SULF1: variants seen among roughly 807,000 people sequenced by gnomAD.
The protein encoded by SULF1 is sulfatase 1, also known as extracellular sulfatase Sulf-1.
Under a neutral mutation model 110.5 loss-of-function variants are expected in SULF1, and 46 were observed. The ratio of observed to expected loss-of-function variants is 0.42; its 90% CI spans 0.33 to 0.53. The LOEUF (loss-of-function observed/expected upper bound fraction) is 0.53. Among genes scored for constraint, SULF1 ranks in the 20% least tolerant of loss-of-function variants. SULF1 has a pLI of 0.12. For missense variants in SULF1, 941 were observed against 1,094.2 expected, an observed-to-expected ratio of 0.86 and a Z score of 1.98; for synonymous variants, 371 against 387.1, an observed-to-expected ratio of 0.96 and a Z score of 0.49.
At chr8:69,547,187 G>A (rs537052248) in intron 3 of SULF1, among the ~76,000 whole-genome samples, 2 of 149,856 alleles carry the variant, frequency 1.3e-5, no homozygotes, top group East Asian at 1.9e-4. Context: ...GGAGGAGGTG[G>A]GGTGGGGTGG....
intron 3 of SULF1, among the ~76,000 whole-genome samples, chr8:69,550,202 C>T (rs1264029518): frequency 6.6e-6 from 1 of 151,794 alleles, no homozygotes; most frequent in Non-Finnish European, 1.5e-5. Flanking sequence ...GGTGTGGTGT[C>T]ATCCCCATTC....
At chr8:69,593,452 A>T (rs2304786) in intron 8 of SULF1, among the ~76,000 whole-genome samples, 116,091 of 152,140 alleles carry the variant, frequency 0.76, 44,685 homozygotes, top group South Asian at 0.85. Context: ...CCTTTCGGTC[A>T]TCTTCCTTGG....
At chr8:69,607,062 A>T (rs1808270385) in intron 13 of SULF1, among the ~76,000 whole-genome samples, 1 of 152,228 alleles carries the variant, frequency 6.6e-6, no homozygotes, top group Admixed American at 6.5e-5. Flanking sequence ...TGTTACTCTA[A>T]TCCCGAACCA....
intron 22 of SULF1, chr8:69,642,438 A>G: frequency 1.0e-6 from 1 of 981,074 alleles, no homozygotes. Flanking sequence ...CTTGTTCTTC[A>G]TCTTAACTGT....
At chr8:69,650,718 T>G (rs1812274610) in intron 22 of SULF1, among the ~76,000 whole-genome samples, 1 of 152,236 alleles carries the variant, frequency 6.6e-6, no homozygotes, top group South Asian at 2.1e-4. Flanking sequence ...TCATTATTTA[T>G]TTTGATGATT....
At chr8:69,542,461 A>T (rs1464924461) in intron 3 of SULF1, among the ~76,000 whole-genome samples, 1 of 152,022 alleles carries the variant, frequency 6.6e-6, no homozygotes, top group Non-Finnish European at 1.5e-5. Context: ...GGTACGAGAT[A>T]TGGCTTCCTT....
intron 2 of SULF1, among the ~76,000 whole-genome samples, chr8:69,498,716 G>C (rs1028143247): frequency 9.8e-6 from 1 of 102,300 alleles, no homozygotes; most frequent in Admixed American, 1.1e-4. Flanking sequence ...TTAATATGTG[G>C]AGGAGAGAAA....
chr8:69,535,282 C>T (rs1813357869), intron 3 of SULF1, among the ~76,000 whole-genome samples: 1 of 152,210 alleles, frequency 6.6e-6, no homozygotes, highest in African/African-American at 2.4e-5. Flanking sequence ...CAATAGACAA[C>T]AGAGCACTGA....
intron 3 of SULF1, among the ~76,000 whole-genome samples, chr8:69,534,868 T>C (rs922238155): frequency 7.8e-6 from 1 of 128,520 alleles, no homozygotes; most frequent in Non-Finnish European, 1.7e-5. Flanking sequence ...TTAAAGGAAA[T>C]TTAAAAAAAA....
At chr8:69,643,070 C>T (rs778116850) in intron 22 of SULF1, among the ~76,000 whole-genome samples, 24 of 152,142 alleles carry the variant, frequency 1.6e-4, no homozygotes, top group African/African-American at 5.1e-4. Flanking sequence ...TTGAAATAAC[C>T]GGCATTTTCA....
chr8:69,616,547 G>A (rs371198646), intron 13 of SULF1, among the ~76,000 whole-genome samples: 3 of 151,790 alleles, frequency 2.0e-5, no homozygotes, highest in Admixed American at 6.6e-5. Flanking sequence ...GACTATAGGC[G>A]TGTGCCACCA....
At chr8:69,577,608 G>C (rs1330183817) in intron 6 of SULF1, among the ~76,000 whole-genome samples, 1 of 152,110 alleles carries the variant, frequency 6.6e-6, no homozygotes, top group East Asian at 1.9e-4. Context: ...AGAGATTGAG[G>C]GTGAGACAGG....
intron 3 of SULF1, among the ~76,000 whole-genome samples, chr8:69,543,794 G>A (rs907132287): frequency 5.3e-5 from 8 of 152,060 alleles, no homozygotes; most frequent in Admixed American, 2.0e-4. Flanking sequence ...TGTGTTGGCA[G>A]TGGGCCACAA....
chr8:69,627,774 T>G lies in SULF1; in HGVS notation c.1950T>G (p.Ile650Met). ...GTGCTTGAAAACATGTTTTCCAGATTGAAGCTCTGCAAGATAAAATTAAGA... is the reference window on the plus strand; with the variant it reads ...GTGCTTGAAAACATGTTTTCCAGATGGAAGCTCTGCAAGATAAAATTAAGA... ...KDHKAYIDKE[I>M]EALQDKIKNL... The change falls in exon 17 of 23, where the codon ATT becomes ATG. Residue 650 changes from isoleucine (I) to methionine (M), a missense_variant and splice_region_variant. Ile to Met is a conservative substitution (Grantham distance 10, BLOSUM62 1). Coordinates refer to ENST00000402687, the MANE Select transcript of SULF1 (RefSeq NM_001128205.2). The G allele has an allele frequency of 6.2e-7, 1 of 1,603,194 alleles. No individual in the cohort carries two copies.
At chr8:69,497,165 T>C (rs1810422395) in intron 2 of SULF1, among the ~76,000 whole-genome samples, 1 of 149,748 alleles carries the variant, frequency 6.7e-6, no homozygotes, top group Non-Finnish European at 1.5e-5. Flanking sequence ...CTTTTTTTTT[T>C]TTTTTTTTTT....
chr8:69,623,801 T>C (rs1809793205), intron 14 of SULF1, 141 bp from the exon 15 acceptor site: 2 of 943,648 alleles, frequency 2.1e-6, no homozygotes, highest in Non-Finnish European at 3.1e-6. Context: ...TACCGTGAAT[T>C]GCAGGCACCA....
At chr8:69,468,084 A>G (rs1360554936) in intron 1 of SULF1, among the ~76,000 whole-genome samples, 2 of 152,242 alleles carry the variant, frequency 1.3e-5, no homozygotes, top group Non-Finnish European at 2.9e-5. Context: ...AGGTGAGCCA[A>G]TGAGACTTCT....
intron 1 of SULF1, among the ~76,000 whole-genome samples, chr8:69,470,130 G>T (rs888341764): frequency 2.0e-5 from 3 of 152,118 alleles, no homozygotes; most frequent in African/African-American, 7.2e-5. Context: ...CATAGATGAG[G>T]CCAACCAAAG....
intron 3 of SULF1, among the ~76,000 whole-genome samples, chr8:69,536,622 T>C (rs942732360): frequency 6.6e-6 from 1 of 152,194 alleles, no homozygotes; most frequent in African/African-American, 2.4e-5. Flanking sequence ...CATTTTAAAA[T>C]AATCACTTAA....
Sources: allele counts gnomAD v4.1 joint callset (sites outside exome capture counted in the v4.1 genomes callset), GRCh38; gene constraint gnomAD v4.1.1; transcripts MANE v1.5; gene names NCBI Gene and HGNC (gene_info 2026-07-23, HGNC 2026-07-21).